The following UNC80 variants were observed in gnomAD, a reference collection of about 807,000 sequenced individuals.
The protein encoded by UNC80 is protein unc-80 homolog.
In UNC80, 164 loss-of-function variants were observed where a neutral mutation model predicts 384.6. The ratio of observed to expected loss-of-function variants is 0.43; its 90% CI spans 0.38 to 0.49. The LOEUF is 0.49. Among genes scored for constraint, UNC80 ranks in the 20% least tolerant of loss-of-function variants. The pLI, the probability that UNC80 is intolerant of heterozygous loss-of-function variation, is 0.00. For missense variants in UNC80, 3,330 were observed against 4,143.0 expected, an observed-to-expected ratio of 0.80 and a Z score of 5.39; for synonymous variants, 1,486 against 1,527.8, an observed-to-expected ratio of 0.97 and a Z score of 0.64.
chr2:209,982,048 A>G (rs2093169916), intron 59 of UNC80, 131 bp from the exon 60 acceptor site: 10 of 824,186 alleles, frequency 1.2e-5, no homozygotes, highest in Middle Eastern at 3.6e-4. Context: ...GAAGGGACCA[A>G]TGATAATTTA....
At chr2:209,838,547 GGCATTCCAT>G (rs1369095075) in intron 18 of UNC80, among the ~76,000 whole-genome samples, 3 of 151,882 alleles carry the variant, frequency 2.0e-5, no homozygotes. Context: ...GTGGTGTGAT[GGCATTCCAT>G]GCATTTAAAT....
intron 7 of UNC80, among the ~76,000 whole-genome samples, chr2:209,808,476 T>C (rs2153826839): frequency 6.9e-6 from 1 of 143,958 alleles, no homozygotes; most frequent in Non-Finnish European, 1.5e-5. Flanking sequence ...GGCAGGAGAA[T>C]CACTTGAACC....
At chr2:209,959,031 CT>C in intron 49 of UNC80, 87 bp from the exon 50 acceptor site, 1 of 1,095,892 alleles carries the variant, frequency 9.1e-7, no homozygotes. Context: ...GCTTCAAGGG[CT>C]TTTCATATGA....
At chr2:209,930,373 T>C (rs2090759058) in intron 37 of UNC80, among the ~76,000 whole-genome samples, 2 of 152,062 alleles carry the variant, frequency 1.3e-5, no homozygotes, top group African/African-American at 4.8e-5. Flanking sequence ...TCATGCCAAA[T>C]AAAAGTAGTC....
In UNC80 at chr2:209,973,263, A is replaced by C. The variant is rs1292330297; in HGVS notation, c.8580A>C (p.Ala2860=). ...TGGCTGAGTCCACCAGCCAAGCAGCATACTTGGGTTGGTACTTTCTCTCTC... is the reference window on the plus strand; with the variant it reads ...TGGCTGAGTCCACCAGCCAAGCAGCCTACTTGGGTTGGTACTTTCTCTCTC... ...EGLAESTSQA[A]YLALKVILVC... The change falls in exon 56 of 65, where the codon GCA becomes GCC. Residue 2860 remains alanine, a synonymous_variant. Transcript: ENST00000673920. 1.3e-6 allele frequency: 2 copies of C among 1,551,556 alleles called. No individual in the cohort carries two copies. Among genetic ancestry groups the C allele is most frequent in the South Asian group, 2.4e-5 (2 of 84,046 alleles).
chr2:209,820,633 G>A lies in UNC80; in HGVS notation c.2285G>A (p.Gly762Glu). The A allele has an allele frequency of 6.4e-7, 1 of 1,550,510 alleles. No individual in the cohort carries two copies. ...GGGGDGGGGG[G>E]GGGGPYEKND... ...GGAGGTGATGGAGGAGGAGGTGGAG[G>A]AGGTGGAGGCGGCCCTTATGAGAAG... The change falls in exon 13 of 65, where the codon GGA becomes GAA. Residue 762 changes from glycine (G) to glutamate (E), a missense_variant. This residue lies in a region of UNC80 where 937 missense variants were observed against 1,026.8 expected (regional missense o/e 0.91). Transcript: ENST00000673920.
chr2:209,845,988 CTTTT>C (rs1559189202), intron 21 of UNC80, among the ~76,000 whole-genome samples: 1 of 150,278 alleles, frequency 6.7e-6, no homozygotes, highest in African/African-American at 2.4e-5. Flanking sequence ...TCTCTTCTTT[CTTTT>C]CTTTCTTCCC....
chr2:209,933,791 C>CT, intron 38 of UNC80, 31 bp from the exon 39 acceptor site: 2 of 1,510,546 alleles, frequency 1.3e-6, no homozygotes, highest in South Asian at 2.5e-5. Context: ...ATTATTGTAG[C>CT]TTTGTGAACT....
chr2:209,923,940 G>A lies in UNC80; in HGVS notation c.5662+1557G>A, dbSNP rs139342331. ...GGATAAGGTAAGATATGTGCCTGCCGTTTTAAAATATAAGATATGCCATGT... is the reference window on the plus strand; with the variant it reads ...GGATAAGGTAAGATATGTGCCTGCCATTTTAAAATATAAGATATGCCATGT... On this transcript the variant is annotated intron_variant, in intron 35 of 64. Coordinates refer to ENST00000673920, the MANE Select transcript of UNC80 (RefSeq NM_001371986.1). Among the ~76,000 whole-genome samples, 278 of 151,988 alleles carry A rather than the reference G, an allele frequency of 1.8e-3. 1 individual carries two copies. Among genetic ancestry groups the A allele is most frequent in the African/African-American group, 6.0e-3 (249 of 41,480 alleles).
intron 25 of UNC80, among the ~76,000 whole-genome samples, chr2:209,882,441 A>T (rs1259441778): frequency 6.6e-6 from 1 of 152,184 alleles, no homozygotes; most frequent in African/African-American, 2.4e-5. Flanking sequence ...TCTAGAACAG[A>T]AAGTGGATAT....
intron 14 of UNC80, among the ~76,000 whole-genome samples, chr2:209,827,326 T>G (rs2080608578): frequency 1.3e-5 from 2 of 152,066 alleles, no homozygotes; most frequent in African/African-American, 4.8e-5. Context: ...CATGAAACAC[T>G]AAAACATAAT....
chr2:209,936,909 A>G lies in UNC80; in HGVS notation c.6339A>G (p.Arg2113=). 1.3e-6 allele frequency: 2 copies of G among 1,550,492 alleles called. No individual in the cohort carries two copies. The part of the protein sequence containing the change: ...QSTHYFLMDK[R]WNLIHYNKTY... ...CACATTATTTTCTTATGGATAAACGATGGAACCTTATCCACTACAATAAGG... is the reference window on the plus strand; with the variant it reads ...CACATTATTTTCTTATGGATAAACGGTGGAACCTTATCCACTACAATAAGG... The change falls in exon 41 of 65, where the codon CGA becomes CGG. Residue 2113 remains arginine (R), a synonymous_variant. Coordinates refer to ENST00000673920, the MANE Select transcript of UNC80 (RefSeq NM_001371986.1).
intron 40 of UNC80, among the ~76,000 whole-genome samples, chr2:209,936,465 A>G (rs1004213196): frequency 2.0e-5 from 3 of 152,220 alleles, no homozygotes; most frequent in African/African-American, 7.2e-5. Context: ...TGCTGAGACC[A>G]GTAGGTGCCA....
chr2:209,921,314 A>G (rs944445278), intron 33 of UNC80, among the ~76,000 whole-genome samples, 186 bp from the exon 34 acceptor site: 2 of 152,188 alleles, frequency 1.3e-5, no homozygotes, highest in Admixed American at 6.5e-5. Context: ...TGAAAAAAAA[A>G]TAGCTTAACC....
At chr2:209,881,852 C>A (rs2085319714) in intron 25 of UNC80, among the ~76,000 whole-genome samples, 1 of 152,090 alleles carries the variant, frequency 6.6e-6, no homozygotes, top group African/African-American at 2.4e-5. Flanking sequence ...TCACAGGCAT[C>A]ATCCAGCTGG....
intron 4 of UNC80, among the ~76,000 whole-genome samples, chr2:209,780,316 AATAAT>A (rs2077086813): frequency 6.6e-6 from 1 of 152,148 alleles, no homozygotes; most frequent in Non-Finnish European, 1.5e-5. Flanking sequence ...AGTTAGTGGT[AATAAT>A]ATATTTATCA....
intron 18 of UNC80, among the ~76,000 whole-genome samples, chr2:209,836,054 A>G (rs1334351426): frequency 6.6e-6 from 1 of 152,162 alleles, no homozygotes; most frequent in African/African-American, 2.4e-5. Context: ...TATGGAGACT[A>G]GGCTTGCTCA....
At chr2:209,801,875 T>A (rs1401896127) in intron 7 of UNC80, among the ~76,000 whole-genome samples, 2 of 152,146 alleles carry the variant, frequency 1.3e-5, no homozygotes, top group Admixed American at 6.5e-5. Context: ...TATCTTGCGC[T>A]TTAAAAAAAT....
intron 42 of UNC80, among the ~76,000 whole-genome samples, chr2:209,938,991 A>G (rs1466567386): frequency 6.6e-6 from 1 of 152,114 alleles, no homozygotes; most frequent in Non-Finnish European, 1.5e-5. Context: ...GCACCAATCA[A>G]GGACCTATGA....
Sources: gnomAD v4.1 joint callset for allele counts (sites outside exome capture counted in the v4.1 genomes callset) on GRCh38, gnomAD v4.1.1 for gene constraint, gnomAD v4.1.1 regional missense constraint, MANE v1.5 for transcripts, NCBI Gene and HGNC (gene_info 2026-07-23, HGNC 2026-07-21) for gene names.